The following DTWD2 variants were observed in gnomAD, a reference collection of about 807,000 sequenced individuals.
DTWD2 encodes DTW motif tRNA-uridine aminocarboxypropyltransferase 2.
In DTWD2, 39 loss-of-function variants were observed where a neutral mutation model predicts 31.8. That is an observed-to-expected ratio of 1.22 (90% CI 0.95 to 1.60). DTWD2 has a LOEUF of 1.60. DTWD2 is among the 40% of genes most tolerant of loss of function. DTWD2 has a pLI of 0.00. For synonymous variants in DTWD2, 180 were observed against 142.8 expected, an observed-to-expected ratio of 1.26 and a Z score of -1.86; for missense variants, 515 against 381.5, an observed-to-expected ratio of 1.35 and a Z score of -2.92.
intron 1 of DTWD2, among the ~76,000 whole-genome samples, chr5:118,948,728 G>A (rs1354873913): frequency 1.3e-5 from 2 of 152,162 alleles, no homozygotes; most frequent in African/African-American, 4.8e-5. Flanking sequence ...TCGGCTGTGT[G>A]TAATGAAAAG....
chr5:118,930,301 T>C (rs957998507), intron 3 of DTWD2, among the ~76,000 whole-genome samples: 7 of 152,138 alleles, frequency 4.6e-5, no homozygotes, highest in African/African-American at 1.7e-4. Flanking sequence ...AAACAATGAA[T>C]GAGACACCCT....
intron 4 of DTWD2, among the ~76,000 whole-genome samples, chr5:118,917,169 G>C (rs568409101): frequency 2.0e-5 from 3 of 152,130 alleles, no homozygotes; most frequent in Admixed American, 1.3e-4. Context: ...CTCAAATTCG[G>C]GTTTAAGTTA....
At chr5:118,988,065 A>G (rs1755468330) in intron 1 of DTWD2, 3 of 715,402 alleles carry the variant, frequency 4.2e-6, no homozygotes, top group Admixed American at 2.0e-5. Flanking sequence ...TCATCCCATG[A>G]TACGCTCAGC....
At chr5:118,981,283 C>G (rs1281116011) in intron 1 of DTWD2, among the ~76,000 whole-genome samples, 1 of 152,006 alleles carries the variant, frequency 6.6e-6, no homozygotes, top group Non-Finnish European at 1.5e-5. Flanking sequence ...GTGGTGATGG[C>G]TACACACATT....
chr5:118,859,278 T>C (rs1194464030), intron 4 of DTWD2, among the ~76,000 whole-genome samples: 2 of 151,812 alleles, frequency 1.3e-5, no homozygotes, highest in Admixed American at 1.3e-4. Flanking sequence ...GCAGGATAAA[T>C]AAAGAGAAAG....
intron 5 of DTWD2, among the ~76,000 whole-genome samples, chr5:118,846,920 GCACACACACA>G (rs144531960): frequency 0.11 from 15,292 of 134,912 alleles, 819 homozygotes; most frequent in Admixed American, 0.18. Context: ...AAACACACAG[GCACACACACA>G]CACACACACA....
chr5:118,916,033 G>C (rs1753568996), intron 4 of DTWD2, among the ~76,000 whole-genome samples: 1 of 152,118 alleles, frequency 6.6e-6, no homozygotes, highest in Admixed American at 6.5e-5. Context: ...TTGAGGGAAG[G>C]GTAGCTACTA....
At chr5:118,843,081 C>A (rs1254668654) in intron 5 of DTWD2, among the ~76,000 whole-genome samples, 3 of 151,524 alleles carry the variant, frequency 2.0e-5, no homozygotes, top group South Asian at 2.1e-4. Flanking sequence ...CTCAGCCTCC[C>A]AAGTAGCTGG....
intron 3 of DTWD2, among the ~76,000 whole-genome samples, chr5:118,935,142 G>C (rs1754009428): frequency 6.6e-6 from 1 of 152,168 alleles, no homozygotes; most frequent in Non-Finnish European, 1.5e-5. Context: ...ACAGGGTTCA[G>C]AGAGCTGAAC....
intron 4 of DTWD2, among the ~76,000 whole-genome samples, chr5:118,893,140 C>T (rs1410081007): frequency 6.6e-6 from 1 of 151,814 alleles, no homozygotes; most frequent in Non-Finnish European, 1.5e-5. Flanking sequence ...CTTTGGGAGG[C>T]CAAGGCGAGC....
At chr5:118,967,883 GTC>G (rs1251588429) in intron 1 of DTWD2, among the ~76,000 whole-genome samples, 2 of 152,096 alleles carry the variant, frequency 1.3e-5, no homozygotes, top group Non-Finnish European at 2.9e-5. Flanking sequence ...TATTTGCAAA[GTC>G]TCAAAGTAAA....
intron 4 of DTWD2, among the ~76,000 whole-genome samples, chr5:118,887,759 C>T (rs926638642): frequency 6.6e-6 from 1 of 152,208 alleles, no homozygotes; most frequent in East Asian, 1.9e-4. Flanking sequence ...CCTAGGACCA[C>T]AGACATGTGC....
intron 1 of DTWD2, among the ~76,000 whole-genome samples, chr5:118,969,020 G>A (rs1214256602): frequency 6.6e-6 from 1 of 152,168 alleles, no homozygotes; most frequent in Admixed American, 6.5e-5. Context: ...GGTCTGGAAC[G>A]GGAAGAGTTT....
intron 4 of DTWD2, among the ~76,000 whole-genome samples, chr5:118,867,390 C>G (rs1752401979): frequency 6.6e-6 from 1 of 152,096 alleles, no homozygotes; most frequent in African/African-American, 2.4e-5. Flanking sequence ...CAACTATACT[C>G]CAGCTAAACA....
At chr5:118,952,403 G>A (rs1421995027) in intron 1 of DTWD2, among the ~76,000 whole-genome samples, 1 of 152,162 alleles carries the variant, frequency 6.6e-6, no homozygotes, top group Non-Finnish European at 1.5e-5. Flanking sequence ...ACATAGGGGT[G>A]GGGCCATTTT....
chr5:118,861,666 G>A (rs1051305169), intron 4 of DTWD2, among the ~76,000 whole-genome samples: 2 of 151,980 alleles, frequency 1.3e-5, no homozygotes, highest in African/African-American at 4.8e-5. Flanking sequence ...TATGTGCCTG[G>A]TACCTAGAAA....
chr5:118,977,246 C>T (rs894035587), intron 1 of DTWD2, among the ~76,000 whole-genome samples: 8 of 152,044 alleles, frequency 5.3e-5, no homozygotes, highest in South Asian at 2.1e-4. Context: ...AATGGGCAAA[C>T]GCTGGAAGCA....
chr5:118,845,202 G>A (rs1465477329), intron 5 of DTWD2, among the ~76,000 whole-genome samples: 1 of 151,770 alleles, frequency 6.6e-6, no homozygotes, highest in African/African-American at 2.4e-5. Flanking sequence ...AAAGAAAAGA[G>A]GAAAAAGAAA....
intron 4 of DTWD2, among the ~76,000 whole-genome samples, chr5:118,897,891 CAG>C (rs1226500835): frequency 6.6e-6 from 1 of 151,974 alleles, no homozygotes; most frequent in East Asian, 1.9e-4. Flanking sequence ...TTTTTTGAGA[CAG>C]GGTCTCACTC....
Sources: gnomAD v4.1 joint callset for allele counts (sites outside exome capture counted in the v4.1 genomes callset) on GRCh38, gnomAD v4.1.1 for gene constraint, MANE v1.5 for transcripts, NCBI Gene and HGNC (gene_info 2026-07-23, HGNC 2026-07-21) for gene names.